The following ERN2 variants were observed in gnomAD, a reference collection of about 807,000 sequenced individuals.
ERN2 encodes the protein serine/threonine-protein kinase/endoribonuclease IRE2.
ERN2 carries 111 observed loss-of-function variants against 107.9 expected under a neutral mutation model. The observed-to-expected ratio is 1.03, with a 90% CI of 0.88 to 1.20. ERN2 has a LOEUF of 1.20. Ranked by LOEUF, ERN2 falls within the 50% of genes most tolerant of loss-of-function variation. The probability of loss-of-function intolerance (pLI) is 0.00; values close to 1 mark genes in which losing one functional copy is unlikely to be tolerated. For synonymous variants in ERN2, 524 were observed against 501.7 expected, an observed-to-expected ratio of 1.04 and a Z score of -0.59; for missense variants, 1,225 against 1,197.9, an observed-to-expected ratio of 1.02 and a Z score of -0.33.
intron 19 of ERN2, 135 bp from the exon 20 acceptor site, chr16:23,691,560 C>T: frequency 1.9e-6 from 2 of 1,073,870 alleles, no homozygotes; most frequent in South Asian, 3.2e-5. Context: ...TTCTCTGTGC[C>T]ACGCCTCTGT....
intron 5 of ERN2, 55 bp downstream of exon 5, chr16:23,706,952 A>C (rs576361148): frequency 4.0e-5 from 63 of 1,585,760 alleles, no homozygotes; most frequent in Non-Finnish European, 5.3e-5. Context: ...GTCACGACTT[A>C]GATCCCTGCC....
chr16:23,691,267 T>A, intron 20 of ERN2, 35 bp downstream of exon 20: 2 of 1,612,584 alleles, frequency 1.2e-6, no homozygotes, highest in Admixed American at 1.7e-5. Flanking sequence ...CCCACTCCCC[T>A]CCACCGCCCA....
chr16:23,693,895 A>T (rs774186648), intron 17 of ERN2, among the ~76,000 whole-genome samples: 9 of 152,096 alleles, frequency 5.9e-5, no homozygotes, highest in Non-Finnish European at 1.3e-4. Context: ...TGCCCTCCAA[A>T]ACCTTCGATA....
Position 23,710,971 on chromosome 16 carries a change from A to T in ERN2, c.141T>A (p.Asp47Glu), listed in dbSNP as rs1332331377. The T allele has an allele frequency of 6.8e-6, 11 of 1,614,012 alleles. No individual in the cohort carries two copies. Among genetic ancestry groups the T allele is most frequent in the Non-Finnish European group, 9.3e-6 (11 of 1,179,996 alleles). ...GCTTGCTTAGTGCGTGGAGACTTCC[A>T]TCCAAGGTGGACACCAGCAGGAGGT... ...PENLLLVSTL[D>E]GSLHALSKQT... is the part of the protein sequence containing the mutation. Residue 47 changes from aspartate to glutamate, a missense_variant, in exon 2 of 22, where the codon GAT (aspartate) becomes GAA (glutamate). Physicochemically the swap from Asp to Glu is conservative, Grantham distance 45 (BLOSUM62 2). Coordinates refer to ENST00000256797, the MANE Select transcript of ERN2 (RefSeq NM_033266.4).
chr16:23,700,852 A>C, intron 12 of ERN2, 107 bp downstream of exon 12: 1 of 1,473,370 alleles, frequency 6.8e-7, no homozygotes, highest in Non-Finnish European at 9.2e-7. Flanking sequence ...GGAGGGAGGC[A>C]GGGGGCAAAA....
chr16:23,694,887 C>A lies in ERN2; in HGVS notation c.1941G>T (p.Gly647=), dbSNP rs1432156216. 10 of 1,614,204 alleles carry A rather than the reference C, an allele frequency of 6.2e-6. No homozygotes were observed. In the East Asian group the frequency reaches 2.2e-4, roughly 36 times the overall value. ...DLKPGNILIT[G]PDSQGLGRVV... ...CTCTGCCCAGGCCCTGGCTGTCAGG[C>A]CCGGTGATGAGAATATTTCCTGGCT... Residue 647 remains glycine, a synonymous_variant, in exon 17 of 22, where the codon GGG becomes GGT. Coordinates refer to ENST00000256797, the MANE Select transcript of ERN2 (RefSeq NM_033266.4).
At chr16:23,707,401 T>TTCGAGGAG (rs1351901421) in intron 4 of ERN2, 2 of 352,228 alleles carry the variant, frequency 5.7e-6, no homozygotes, top group Non-Finnish European at 1.1e-5. Context: ...GCTCTCGGCC[T>TTCGAGGAG]GACCTGACCA....
Position 23,694,844 on chromosome 16 carries a change from C to T in ERN2, c.1984G>A (p.Gly662Ser), listed in dbSNP as rs780549482. 3.7e-6 allele frequency: 6 copies of T among 1,614,038 alleles called. No individual in the cohort carries two copies. Among genetic ancestry groups the T allele is most frequent in the South Asian group, 3.3e-5 (3 of 91,082 alleles). The change falls in exon 17 of 22, where the codon GGC becomes AGC. Residue 662 changes from glycine to serine, a missense_variant. By Grantham distance (56) the Gly-to-Ser change is moderately conservative. Transcript: ENST00000256797. ...CCAGCAGGCAGCTTCTTGCAGAGGC[C>T]GAAGTCTGAGAGCACCACTCTGCCC... ...GLGRVVLSDFGLCKKLPAGRC... is the reference protein window; with the variant it reads ...GLGRVVLSDFSLCKKLPAGRC...
rs1458618052 is a variant in ERN2, at chr16:23,702,239, G to T, written c.1116C>A (p.Thr372=). 6.2e-7 allele frequency: 1 copy of T among 1,614,194 alleles called. No homozygotes were observed. Among genetic ancestry groups the T allele is most frequent in the Non-Finnish European group, 8.5e-7 (1 of 1,180,026 alleles). ...CCAGGGTGGGATGGACCCTCAGCAT[G>T]GTGGTGTGCAGGACTGGGGGTAGCT... ...HHELPPVLHT[T]MLRVHPTLGS... Residue 372 remains threonine (T), a synonymous_variant, in exon 11 of 22, where the codon ACC becomes ACA. Coordinates refer to ENST00000256797, the MANE Select transcript of ERN2 (RefSeq NM_033266.4).
At chr16:23,704,373 T>C (rs1043020569) in intron 8 of ERN2, among the ~76,000 whole-genome samples, 2 of 152,146 alleles carry the variant, frequency 1.3e-5, no homozygotes, top group Non-Finnish European at 2.9e-5. Context: ...TCATGAGGTC[T>C]TTCCCATGCT....
At chr16:23,708,222 A>G (rs1014785211) in intron 4 of ERN2, among the ~76,000 whole-genome samples, 3 of 151,982 alleles carry the variant, frequency 2.0e-5, no homozygotes, top group East Asian at 1.9e-4. Flanking sequence ...AGGATACTGC[A>G]TGATATGTTT....
intron 6 of ERN2, 112 bp downstream of exon 6, chr16:23,706,642 A>G: frequency 2.4e-6 from 2 of 824,440 alleles, no homozygotes; most frequent in Non-Finnish European, 4.0e-6. Context: ...ATGTTTGTTG[A>G]TGACTAACAG....
chr16:23,700,842 G>T, intron 12 of ERN2, 117 bp downstream of exon 12: 1 of 1,461,706 alleles, frequency 6.8e-7, no homozygotes, highest in Non-Finnish European at 9.2e-7. Flanking sequence ...GGAGCTGCTG[G>T]GAGGGAGGCA....
At chr16:23,702,594 T>G in intron 9 of ERN2, 30 bp downstream of exon 9, 1 of 1,614,136 alleles carries the variant, frequency 6.2e-7, no homozygotes, top group Non-Finnish European at 8.5e-7. Flanking sequence ...GTTCATCCTC[T>G]TTCCAGCCCA....
At chr16:23,699,721 C>A (rs1383750245) in intron 13 of ERN2, among the ~76,000 whole-genome samples, 1 of 152,074 alleles carries the variant, frequency 6.6e-6, no homozygotes, top group African/African-American at 2.4e-5. Context: ...CCATGCCCAA[C>A]CTAAAAGGGC....
Position 23,713,176 on chromosome 16 carries a change from C to G in ERN2, c.12G>C (p.Ala4=), listed in dbSNP as rs760919675. ...GGGGCCACGGCCTCGACCCCCTGAC[C>G]GCACTCGCCATAGCGCCTGGGCAGC... MAS[A]VRGSRPWPRL... is the part of the protein sequence containing the mutation. The change falls in exon 1 of 22, where the codon GCG becomes GCC. Residue 4 remains alanine (A), a synonymous_variant. Transcript: ENST00000256797. The G allele has an allele frequency of 1.3e-6, 2 of 1,576,920 alleles. No homozygotes were observed. Among genetic ancestry groups the G allele is most frequent in the African/African-American group, 2.7e-5 (2 of 73,946 alleles).
intron 20 of ERN2, 39 bp from the exon 21 acceptor site, chr16:23,691,235 A>G: frequency 6.2e-7 from 1 of 1,612,688 alleles, no homozygotes; most frequent in South Asian, 1.1e-5. Context: ...CGTCCCTGCT[A>G]GACTCCCCTC....
At chr16:23,706,612 C>T in intron 6 of ERN2, 142 bp downstream of exon 6, 2 of 744,856 alleles carry the variant, frequency 2.7e-6, no homozygotes, top group Non-Finnish European at 4.6e-6. Flanking sequence ...TTCCTGGCTC[C>T]TAGTTCAGTG....
intron 14 of ERN2, 101 bp downstream of exon 14, chr16:23,695,793 A>AC: frequency 1.3e-6 from 1 of 789,718 alleles, no homozygotes; most frequent in South Asian, 1.5e-5. Flanking sequence ...ATCAACCTGT[A>AC]CCCACCTCGG....
Sources: gnomAD v4.1 joint callset for allele counts (sites outside exome capture counted in the v4.1 genomes callset) on GRCh38, gnomAD v4.1.1 for gene constraint, MANE v1.5 for transcripts, NCBI Gene and HGNC (gene_info 2026-07-23, HGNC 2026-07-21) for gene names.